Variants in ABCC9 observed in about 807,000 individuals in gnomAD.
The protein encoded by ABCC9 is ATP-binding cassette sub-family C member 9.
A neutral mutation model predicts 188.3 loss-of-function variants in ABCC9; 95 were observed. The observed-to-expected ratio is 0.50, with a 90% CI of 0.43 to 0.60. The LOEUF (loss-of-function observed/expected upper bound fraction) is 0.60. Among genes scored for constraint, ABCC9 ranks in the 20% least tolerant of loss-of-function variants. ABCC9 has a pLI of 0.00. For missense variants in ABCC9, 1,102 were observed against 1,876.3 expected (o/e 0.59, Z 7.62); for synonymous variants, 659 against 652.7 (o/e 1.01, Z -0.15).
intron 5 of ABCC9, among the ~76,000 whole-genome samples, chr12:21,920,629 T>A (rs11046235): frequency 0.36 from 55,310 of 151,650 alleles, 10,430 homozygotes; most frequent in Admixed American, 0.41. Context: ...ACTGTAGCCA[T>A]CCTGTTGTGC....
At chr12:21,893,912 C>T in intron 14 of ABCC9, 120 bp downstream of exon 14, 1 of 1,017,198 alleles carries the variant, frequency 9.8e-7, no homozygotes, top group South Asian at 1.7e-5. Context: ...ACAATTTTAA[C>T]AATGGTTGTC....
chr12:21,863,069 A>AT lies in ABCC9; in HGVS notation c.2238-16_2238-15insA. 6.5e-7 allele frequency: 1 copy of AT among 1,534,262 alleles called. No individual in the cohort carries two copies. The highest frequency in any genetic ancestry group is 8.9e-7 in the Non-Finnish European group (1 of 1,119,552). On this transcript the variant is annotated splice_polypyrimidine_tract_variant and intron_variant, in intron 19 of 39. Coordinates refer to ENST00000261200, the MANE Select transcript of ABCC9 (RefSeq NM_020297.4). ...ACCTGTTCCTACTGAAAAATGAAAA[A>AT]GAAAAAAAAAAACACCAGGATTATG...
intron 3 of ABCC9, 32 bp from the exon 4 acceptor site, chr12:21,933,955 G>C: frequency 6.2e-7 from 1 of 1,612,516 alleles, no homozygotes; most frequent in Non-Finnish European, 8.5e-7. Flanking sequence ...AAAACAAAAA[G>C]ACATAAACCG....
intron 5 of ABCC9, among the ~76,000 whole-genome samples, chr12:21,918,274 T>C (rs1948678889): frequency 6.6e-6 from 1 of 152,130 alleles, no homozygotes; most frequent in African/African-American, 2.4e-5. Flanking sequence ...AATAGACATA[T>C]GACCAATGAA....
chr12:21,895,875 T>C (rs2137752267), intron 12 of ABCC9, among the ~76,000 whole-genome samples: 1 of 152,252 alleles, frequency 6.6e-6, no homozygotes, highest in African/African-American at 2.4e-5. Context: ...CAGCATGATA[T>C]GCCTAGTTGA....
rs184319130 is a variant in ABCC9 at position 21,923,571 on chromosome 12, C to A, written c.406+2371G>T. On this transcript the variant is annotated intron_variant, in intron 5 of 39. Transcript: ENST00000261200. ...GCAATCAGATAAATGCAAATTAAAA[C>A]CGCAATGTATTACCAGTACACACCC... The A allele has an allele frequency of 3.7e-4, 141 of 377,602 alleles. 3 individuals are homozygous for A. Among genetic ancestry groups the A allele is most frequent in the African/African-American group, 2.6e-3 (124 of 47,894 alleles). 23.4% of individuals were successfully genotyped at this position (377,602 alleles called of 1,614,324 possible). A position where few individuals can be genotyped will look rare whatever the true frequency, so the allele number is the denominator to read the frequency against.
In ABCC9 at chr12:21,801,178, G is replaced by T; in HGVS notation, c.4516C>A (p.Arg1506=). 1 of 1,613,782 alleles carries T rather than the reference G, an allele frequency of 6.2e-7. No homozygotes were observed. The highest frequency in any genetic ancestry group is 8.5e-7 in the Non-Finnish European group (1 of 1,179,886). ...TCTGCCGTCAGAATAGTGTGTACTC[G>T]ATGCTGTGAGTGAAAAGAAAACATG... ...ADRTVVTIAH[R]VHTILTADLV... Residue 1506 remains arginine, a synonymous_variant, in exon 40 of 40, where the codon CGA becomes AGA. Transcript: ENST00000261200.
chr12:21,803,548 G>A (rs533258097), intron 39 of ABCC9, among the ~76,000 whole-genome samples: 3 of 151,478 alleles, frequency 2.0e-5, no homozygotes, highest in South Asian at 4.2e-4. Context: ...CCAGCTACTC[G>A]GGAGGCTGAG....
chr12:21,864,496 A>G lies in ABCC9; in HGVS notation c.2199-19T>C, dbSNP rs200320441. On this transcript the variant is annotated intron_variant, in intron 18 of 39. Coordinates refer to ENST00000261200, the MANE Select transcript of ABCC9 (RefSeq NM_020297.4). Reference sequence around the variant, plus strand: ...ATTTACACTGCAAGTATGGCAAACAATGTTCATTAATTATGAAGTAGAAAT... The same window carrying G: ...ATTTACACTGCAAGTATGGCAAACAGTGTTCATTAATTATGAAGTAGAAAT... 1.2e-5 allele frequency: 18 copies of G among 1,549,108 alleles called. No individual in the cohort carries two copies. The highest frequency in any genetic ancestry group is 4.1e-5 in the African/African-American group (3 of 73,644).
chr12:21,888,046 G>C, intron 14 of ABCC9, 112 bp from the exon 15 acceptor site: 1 of 810,322 alleles, frequency 1.2e-6, no homozygotes. Context: ...GGATGCCTGT[G>C]AGAGTCATTT....
At chr12:21,921,271 G>C (rs1486123666) in intron 5 of ABCC9, among the ~76,000 whole-genome samples, 2 of 152,006 alleles carry the variant, frequency 1.3e-5, no homozygotes, top group Non-Finnish European at 2.9e-5. Context: ...ATTTTAACTG[G>C]AGTGAGATGA....
At chr12:21,856,468 T>G (rs1945230101) in intron 22 of ABCC9, among the ~76,000 whole-genome samples, 1 of 151,644 alleles carries the variant, frequency 6.6e-6, no homozygotes, top group Admixed American at 6.6e-5. Flanking sequence ...AATATATTCA[T>G]TGATACAGCA....
chr12:21,845,847 CTT>C lies in ABCC9; in HGVS notation c.2867-17_2867-16del. On this transcript the variant is annotated splice_polypyrimidine_tract_variant and intron_variant, in intron 25 of 39. Transcript: ENST00000261200. ...CTCTTCTTCCTCTACATACAAAAAA[CTT>C]TTGTTTAAGCTTCAGATGGGCACCG... is the stretch of plus-strand genomic sequence containing the variant. The C allele has an allele frequency of 6.2e-7, 1 of 1,606,612 alleles. No homozygotes were observed. The highest frequency in any genetic ancestry group is 1.7e-4 in the Middle Eastern group (1 of 6,054).
intron 29 of ABCC9, among the ~76,000 whole-genome samples, chr12:21,839,490 C>G (rs1215327065): frequency 6.6e-6 from 1 of 152,144 alleles, no homozygotes; most frequent in Non-Finnish European, 1.5e-5. Context: ...ACATAAAACA[C>G]AGACATATAC....
intron 4 of ABCC9, among the ~76,000 whole-genome samples, chr12:21,931,397 T>TA (rs746472646): frequency 0.014 from 1,974 of 143,176 alleles, 44 homozygotes; most frequent in African/African-American, 0.046. Flanking sequence ...TTTACTTTAT[T>TA]AAAAAAAAAA....
At chr12:21,801,268 T>C (rs567584120) in intron 39 of ABCC9, 87 bp from the exon 40 acceptor site, 4 of 1,555,002 alleles carry the variant, frequency 2.6e-6, no homozygotes, top group Middle Eastern at 1.7e-4. Flanking sequence ...TGAATTATTC[T>C]GGGACATTTG....
rs1277864380 is a variant in ABCC9, at chr12:21,798,736, C to A, written c.*2308G>T. On this transcript the variant is annotated 3_prime_UTR_variant, in exon 40 of 40. Coordinates refer to ENST00000261200, the MANE Select transcript of ABCC9 (RefSeq NM_020297.4). ...TAGAAATACCATTTGACCCAGCCAT[C>A]CCATTACTGGGTATATACCCAAATG... 6.6e-6 allele frequency: 1 copy of A among 151,124 alleles called. No individual in the cohort carries two copies. Among genetic ancestry groups the A allele is most frequent in the Non-Finnish European group, 1.5e-5 (1 of 67,880 alleles). 9.4% of individuals were successfully genotyped at this position (151,124 alleles called of 1,614,324 possible).
chr12:21,916,856 C>A (rs1948619935), intron 6 of ABCC9, 81 bp downstream of exon 6: 2 of 1,300,830 alleles, frequency 1.5e-6, no homozygotes, highest in African/African-American at 3.0e-5. Context: ...CTTGTCAATA[C>A]TAATGATTTC....
At chr12:21,838,205 G>T in intron 29 of ABCC9, 35 bp from the exon 30 acceptor site, 1 of 1,356,838 alleles carries the variant, frequency 7.4e-7, no homozygotes, top group Non-Finnish European at 1.1e-6. Flanking sequence ...AACTTCATGT[G>T]CATCCAGACT....
Sources: allele counts gnomAD v4.1 joint callset (sites outside exome capture counted in the v4.1 genomes callset), GRCh38; gene constraint gnomAD v4.1.1; transcripts MANE v1.5; gene names NCBI Gene and HGNC (gene_info 2026-07-23, HGNC 2026-07-21).